The following SUPT3H variants were observed in gnomAD, a reference collection of about 807,000 sequenced individuals.
The protein encoded by SUPT3H is transcription initiation protein SPT3 homolog.
SUPT3H carries 44 observed loss-of-function variants against 44.3 expected under a neutral mutation model. The ratio of observed to expected loss-of-function variants is 0.99; its 90% CI spans 0.78 to 1.28. The LOEUF is 1.28. Ranked by LOEUF, SUPT3H falls within the 50% of genes most tolerant of loss-of-function variation. The probability of loss-of-function intolerance (pLI) is 0.00; values close to 1 mark genes in which losing one functional copy is unlikely to be tolerated. For missense variants in SUPT3H, 380 were observed against 387.1 expected (o/e 0.98, Z 0.15); for synonymous variants, 124 against 125.6 (o/e 0.99, Z 0.09).
rs9395097 is a variant in SUPT3H, at chr6:45,353,057, T to C, written c.101+12144A>G. Among the ~76,000 whole-genome samples, 371 of 152,178 alleles carry C rather than the reference T, an allele frequency of 2.4e-3. 13 individuals are homozygous for C. In the East Asian group the frequency reaches 0.064, roughly 26 times the overall value. ...AGAAGTTCTTCAGAGTCTCTAATAG[T>C]ACAGTAGTTAACCGGCCCACTCATT... On this transcript the variant is annotated intron_variant, in intron 2 of 10. Transcript: ENST00000371459.
intron 2 of SUPT3H, among the ~76,000 whole-genome samples, chr6:45,259,621 TA>T (rs5875914): frequency 0.19 from 29,130 of 152,044 alleles, 3,601 homozygotes; most frequent in Non-Finnish European, 0.28. Flanking sequence ...TCCTGATTAG[TA>T]TAGAAGTATC....
intron 2 of SUPT3H, among the ~76,000 whole-genome samples, chr6:45,302,813 T>C (rs1274399392): frequency 6.6e-6 from 1 of 152,118 alleles, no homozygotes; most frequent in Non-Finnish European, 1.5e-5. Flanking sequence ...CAGCAGTATA[T>C]AAGTGTTGCC....
intron 10 of SUPT3H, among the ~76,000 whole-genome samples, chr6:44,930,332 GT>G (rs199511768): frequency 0.024 from 3,685 of 151,406 alleles, 157 homozygotes; most frequent in African/African-American, 0.084. Flanking sequence ...AGTGAGCCGA[GT>G]TCGCGCCACT....
chr6:44,892,941 C>CT (rs199498622), intron 10 of SUPT3H, among the ~76,000 whole-genome samples: 31 of 151,522 alleles, frequency 2.0e-4, no homozygotes, highest in Admixed American at 6.6e-4. Context: ...GTACTTTACT[C>CT]TTTTTTTTTA....
chr6:45,034,738 C>T (rs1465349941), intron 3 of SUPT3H, among the ~76,000 whole-genome samples: 1 of 152,134 alleles, frequency 6.6e-6, no homozygotes, highest in Non-Finnish European at 1.5e-5. Context: ...ATTATTTTTA[C>T]AAAACTGTTA....
intron 2 of SUPT3H, among the ~76,000 whole-genome samples, chr6:45,184,517 G>C (rs1447403089): frequency 1.3e-5 from 2 of 151,908 alleles, no homozygotes; most frequent in Non-Finnish European, 2.9e-5. Context: ...TATTTTGAAG[G>C]CTCTCTGGTT....
intron 5 of SUPT3H, among the ~76,000 whole-genome samples, chr6:45,014,379 A>G (rs1249293877): frequency 6.6e-6 from 1 of 152,058 alleles, no homozygotes; most frequent in Non-Finnish European, 1.5e-5. Context: ...CTTTTCATAT[A>G]TTATGCTAAA....
At chr6:45,078,071 C>T (rs1006609611) in intron 3 of SUPT3H, among the ~76,000 whole-genome samples, 1 of 152,174 alleles carries the variant, frequency 6.6e-6, no homozygotes, top group Admixed American at 6.6e-5. Context: ...CAGAGTTTCG[C>T]CATGTTGGCC....
At chr6:45,210,838 A>T (rs2153630353) in intron 2 of SUPT3H, among the ~76,000 whole-genome samples, 1 of 152,342 alleles carries the variant, frequency 6.6e-6, no homozygotes, top group African/African-American at 2.4e-5. Context: ...GTGGTCTGGA[A>T]CTAAACCCAC....
rs201327733 is a variant in SUPT3H at position 45,202,906 on chromosome 6, A to ATG, written c.102-96902_102-96901dup. Among the ~76,000 whole-genome samples the ATG allele has an allele frequency of 3.9e-5, 6 of 151,904 alleles. 1 individual carries two copies. The highest frequency in any genetic ancestry group is 4.2e-4 in the South Asian group (2 of 4,814). On this transcript the variant is annotated intron_variant, in intron 2 of 10. Transcript: ENST00000371459. Reference sequence around the variant, plus strand: ...TAAATTGAAGAAATCCTACAAATGTATGTGTGTGTGTGTATATATATATAA... The same window carrying ATG: ...TAAATTGAAGAAATCCTACAAATGTATGTGTGTGTGTGTGTATATATATATAA...
At chr6:45,351,548 G>A (rs1792056790) in intron 2 of SUPT3H, among the ~76,000 whole-genome samples, 1 of 152,152 alleles carries the variant, frequency 6.6e-6, no homozygotes, top group African/African-American at 2.4e-5. Flanking sequence ...CCAGGACGAT[G>A]AGATTTCCAA....
At chr6:45,201,737 G>A (rs1456902071) in intron 2 of SUPT3H, among the ~76,000 whole-genome samples, 7 of 151,810 alleles carry the variant, frequency 4.6e-5, no homozygotes, top group Admixed American at 1.3e-4. Context: ...GGACGCCACT[G>A]TAATTGAAAG....
At chr6:45,077,790 T>C (rs993885296) in intron 3 of SUPT3H, among the ~76,000 whole-genome samples, 2 of 151,788 alleles carry the variant, frequency 1.3e-5, no homozygotes, top group African/African-American at 2.4e-5. Context: ...AAATGACAAA[T>C]AGCCCACACC....
At chr6:44,819,715 C>T (rs1309573244) in intron 11 of SUPT3H, among the ~76,000 whole-genome samples, 1 of 151,488 alleles carries the variant, frequency 6.6e-6, no homozygotes, top group East Asian at 1.9e-4. Flanking sequence ...ATTGCTTGAG[C>T]CCAGGAGCTG....
downstream of SUPT3H, among the ~76,000 whole-genome samples, chr6:44,823,852 A>G (rs918660512): frequency 6.6e-6 from 1 of 152,008 alleles, no homozygotes; most frequent in Non-Finnish European, 1.5e-5. Context: ...AATCCCAGCT[A>G]CTCGGGAGGC....
intron 2 of SUPT3H, among the ~76,000 whole-genome samples, chr6:45,341,847 A>C (rs1422294750): frequency 6.6e-6 from 1 of 152,196 alleles, no homozygotes; most frequent in Non-Finnish European, 1.5e-5. Context: ...TTTAGTTTAA[A>C]CCCTACAATT....
intron 2 of SUPT3H, among the ~76,000 whole-genome samples, chr6:45,261,736 C>T (rs1009274059): frequency 5.3e-5 from 8 of 151,998 alleles, no homozygotes; most frequent in Admixed American, 6.6e-5. Context: ...CCAGAGCAAT[C>T]AAGGAAAGAG....
At chr6:45,192,738 C>T (rs2153620347) in intron 2 of SUPT3H, among the ~76,000 whole-genome samples, 1 of 152,192 alleles carries the variant, frequency 6.6e-6, no homozygotes, top group East Asian at 1.9e-4. Flanking sequence ...GCACAGAGAA[C>T]TTAATAACTC....
At chr6:44,889,838 G>T (rs1762989539) in intron 10 of SUPT3H, among the ~76,000 whole-genome samples, 1 of 151,990 alleles carries the variant, frequency 6.6e-6, no homozygotes, top group Admixed American at 6.6e-5. Flanking sequence ...CTACAAAATG[G>T]GAGAAAATTT....
Sources: gnomAD v4.1 joint callset for allele counts (sites outside exome capture counted in the v4.1 genomes callset) on GRCh38, gnomAD v4.1.1 for gene constraint, MANE v1.5 for transcripts, NCBI Gene and HGNC (gene_info 2026-07-23, HGNC 2026-07-21) for gene names.